Variants in SLC7A1 observed in about 807,000 individuals in gnomAD.
SLC7A1 encodes the protein solute carrier family 7 member 1.
Under a neutral mutation model 53.9 loss-of-function variants are expected in SLC7A1, and 10 were observed. The ratio of observed to expected loss-of-function variants is 0.19; its 90% CI spans 0.11 to 0.31. The LOEUF (loss-of-function observed/expected upper bound fraction) is 0.31. Among genes scored for constraint, SLC7A1 ranks in the 10% least tolerant of loss-of-function variants. The pLI, the probability that SLC7A1 is intolerant of heterozygous loss-of-function variation, is 1.00. For missense variants in SLC7A1, 525 were observed against 827.2 expected, an observed-to-expected ratio of 0.63 and a Z score of 4.48; for synonymous variants, 342 against 338.7, an observed-to-expected ratio of 1.01 and a Z score of -0.11.
intron 1 of SLC7A1, among the ~76,000 whole-genome samples, chr13:29,583,785 C>G (rs1387208945): frequency 6.6e-6 from 1 of 152,158 alleles, no homozygotes; most frequent in Non-Finnish European, 1.5e-5. Context: ...AACTCTGAGA[C>G]CAGCAAGACA....
intron 1 of SLC7A1, among the ~76,000 whole-genome samples, chr13:29,583,193 G>A (rs955114220): frequency 6.6e-6 from 1 of 152,206 alleles, no homozygotes; most frequent in South Asian, 2.1e-4. Context: ...ACCCGTGCCC[G>A]CATGCACAGT....
Position 29,517,201 on chromosome 13 carries a change from G to C in SLC7A1, c.1620C>G (p.Ala540=). The C allele has an allele frequency of 6.2e-7, 1 of 1,613,312 alleles. No individual in the cohort carries two copies. The highest frequency in any genetic ancestry group is 2.2e-5 in the East Asian group (1 of 44,874). ...FLLAGSALLC[A]VVTGVIWRQP... Reference sequence around the variant, plus strand: ...GCCTCCAGATGACGCCCGTGACCACGGCACAGAGGAGGGCAGACCCTGCGA... The same window carrying C: ...GCCTCCAGATGACGCCCGTGACCACCGCACAGAGGAGGGCAGACCCTGCGA... The change falls in exon 11 of 13, where the codon GCC becomes GCG. Residue 540 remains alanine, a synonymous_variant. Coordinates refer to ENST00000380752, the MANE Select transcript of SLC7A1 (RefSeq NM_003045.5).
At chr13:29,563,925 T>C (rs1288971796) in intron 1 of SLC7A1, among the ~76,000 whole-genome samples, 1 of 152,172 alleles carries the variant, frequency 6.6e-6, no homozygotes, top group Non-Finnish European at 1.5e-5. Flanking sequence ...GTTTTCACCA[T>C]GGGGAGGGCA....
chr13:29,543,170 C>T (rs1030791541), intron 2 of SLC7A1, among the ~76,000 whole-genome samples: 1 of 152,070 alleles, frequency 6.6e-6, no homozygotes, highest in Non-Finnish European at 1.5e-5. Context: ...GCACTAGGGT[C>T]CCAAAGGAGA....
At chr13:29,572,462 A>T (rs536759940) in intron 1 of SLC7A1, among the ~76,000 whole-genome samples, 45 of 152,260 alleles carry the variant, frequency 3.0e-4, no homozygotes, top group African/African-American at 1.1e-3. Context: ...GGGAAGAAAC[A>T]CTCAGGACCC....
intron 2 of SLC7A1, among the ~76,000 whole-genome samples, chr13:29,540,940 G>C (rs1020950854): frequency 6.6e-6 from 1 of 152,224 alleles, no homozygotes; most frequent in Admixed American, 6.5e-5. Context: ...TCCTCAACAA[G>C]AGTGGCTGGT....
intron 2 of SLC7A1, among the ~76,000 whole-genome samples, chr13:29,545,711 C>T (rs1463940502): frequency 6.6e-6 from 1 of 152,160 alleles, no homozygotes; most frequent in Non-Finnish European, 1.5e-5. Flanking sequence ...TTAAGGTTCC[C>T]GTCACCAGGG....
chr13:29,541,208 A>C (rs1869651459), intron 2 of SLC7A1, among the ~76,000 whole-genome samples: 1 of 152,194 alleles, frequency 6.6e-6, no homozygotes, highest in Non-Finnish European at 1.5e-5. Context: ...ACATTTTGAA[A>C]AACAAGTCAG....
At chr13:29,592,707 T>C (rs1332952382) in intron 1 of SLC7A1, among the ~76,000 whole-genome samples, 2 of 152,056 alleles carry the variant, frequency 1.3e-5, no homozygotes. Context: ...AGGCAGATAA[T>C]CTGCCACAAA....
At chr13:29,587,401 G>A (rs1871928944) in intron 1 of SLC7A1, among the ~76,000 whole-genome samples, 1 of 152,174 alleles carries the variant, frequency 6.6e-6, no homozygotes, top group Non-Finnish European at 1.5e-5. Context: ...AGGAACTTTT[G>A]AGAAGCACAG....
At chr13:29,578,969 A>G (rs1370113339) in intron 1 of SLC7A1, among the ~76,000 whole-genome samples, 1 of 152,228 alleles carries the variant, frequency 6.6e-6, no homozygotes, top group African/African-American at 2.4e-5. Flanking sequence ...TATGTCCCTC[A>G]GGAGGGCAGA....
chr13:29,523,536 T>C (rs1868733545), intron 6 of SLC7A1, 48 bp from the exon 7 acceptor site: 1 of 1,409,086 alleles, frequency 7.1e-7, no homozygotes, highest in African/African-American at 1.4e-5. Flanking sequence ...CAAGAGGCAG[T>C]GTATCTGCCC....
chr13:29,538,717 A>G (rs569534332), intron 2 of SLC7A1, among the ~76,000 whole-genome samples: 2 of 152,386 alleles, frequency 1.3e-5, no homozygotes, highest in South Asian at 4.1e-4. Flanking sequence ...AGCGTTTAGT[A>G]AACAATTGCG....
intron 5 of SLC7A1, among the ~76,000 whole-genome samples, chr13:29,528,405 C>T (rs1307975691): frequency 6.6e-6 from 1 of 152,212 alleles, no homozygotes; most frequent in Non-Finnish European, 1.5e-5. Context: ...TCTTCACAGA[C>T]CAACAGACAG....
intron 5 of SLC7A1, among the ~76,000 whole-genome samples, chr13:29,530,045 A>G (rs1869081077): frequency 6.6e-6 from 1 of 152,198 alleles, no homozygotes; most frequent in Admixed American, 6.5e-5. Flanking sequence ...TTGTGCTCAC[A>G]TTCTGACACT....
At chr13:29,557,596 T>C (rs146474407) in intron 1 of SLC7A1, among the ~76,000 whole-genome samples, 3 of 149,356 alleles carry the variant, frequency 2.0e-5, no homozygotes, top group Non-Finnish European at 4.4e-5. Context: ...ATTGGTACCA[T>C]GAACTTACCA....
At chr13:29,519,394 G>T in intron 9 of SLC7A1, 53 bp downstream of exon 9, 1 of 1,041,066 alleles carries the variant, frequency 9.6e-7, no homozygotes, top group Non-Finnish European at 1.5e-6. Flanking sequence ...CTGTGAAAAG[G>T]CTACCAGGTG....
At chr13:29,522,477 C>G (rs140362586) in intron 7 of SLC7A1, 21 bp from the exon 8 acceptor site, 2 of 1,613,796 alleles carry the variant, frequency 1.2e-6, no homozygotes, top group Admixed American at 1.7e-5. Flanking sequence ...AGAGGCAAAC[C>G]GCGTGAGTGA....
intron 3 of SLC7A1, among the ~76,000 whole-genome samples, chr13:29,533,838 T>C (rs1182468577): frequency 6.6e-6 from 1 of 152,208 alleles, no homozygotes; most frequent in Non-Finnish European, 1.5e-5. Flanking sequence ...TCACTAAAAT[T>C]CCAGCATTTT....
Sources: allele counts gnomAD v4.1 joint callset (sites outside exome capture counted in the v4.1 genomes callset), GRCh38; gene constraint gnomAD v4.1.1; transcripts MANE v1.5; gene names NCBI Gene and HGNC (gene_info 2026-07-23, HGNC 2026-07-21).